FANCC: variants seen among roughly 807,000 people sequenced by gnomAD.
FANCC encodes Fanconi anemia group C protein.
In FANCC, 55 loss-of-function variants were observed where a neutral mutation model predicts 71.3. The ratio of observed to expected loss-of-function variants is 0.77; its 90% CI spans 0.62 to 0.97. The LOEUF is 0.97. Among genes scored for constraint, FANCC ranks in the 50% least tolerant of loss-of-function variants. The pLI, the probability that FANCC is intolerant of heterozygous loss-of-function variation, is 0.00. For synonymous variants in FANCC, 275 were observed against 244.9 expected, an observed-to-expected ratio of 1.12 and a Z score of -1.15; for missense variants, 678 against 670.9, an observed-to-expected ratio of 1.01 and a Z score of -0.12.
rs757294568 is a variant in FANCC, at chr9:95,135,429, T to C, written c.760A>G (p.Met254Val). 3.1e-6 allele frequency: 5 copies of C among 1,613,972 alleles called. No homozygotes were observed. Among genetic ancestry groups the C allele is most frequent in the East Asian group, 4.5e-5 (2 of 44,880 alleles). The change falls in exon 8 of 15, where the codon ATG becomes GTG. Residue 254 changes from methionine to valine, a missense_variant. By Grantham distance (21) the Met-to-Val change is conservative (BLOSUM62 1). Transcript: ENST00000289081. ...ATTAGCTTTTCAAAAAGATGCAGCA[T>C]TGCTTTTTCAAGGCTGGGAAGGTGC... ...LRHLPSLEKAMLHLFEKLISS... is the reference protein window; with the variant it reads ...LRHLPSLEKAVLHLFEKLISS...
intron 1 of FANCC, among the ~76,000 whole-genome samples, chr9:95,286,851 G>T (rs772069792): frequency 3.9e-5 from 6 of 152,100 alleles, no homozygotes; most frequent in Non-Finnish European, 8.8e-5. Flanking sequence ...TTTTTAAAAG[G>T]TAATATGAAC....
chr9:95,304,988 A>G (rs565093761), intron 1 of FANCC, among the ~76,000 whole-genome samples: 71 of 152,274 alleles, frequency 4.7e-4, no homozygotes, highest in Admixed American at 9.2e-4. Context: ...TTCAAAAGCA[A>G]GTTTAAACAA....
intron 14 of FANCC, among the ~76,000 whole-genome samples, chr9:95,103,139 G>A (rs567755904): frequency 1.3e-5 from 2 of 152,172 alleles, no homozygotes; most frequent in East Asian, 3.9e-4. Context: ...CCCTGAGCGG[G>A]AGGACTGTCC....
chr9:95,272,029 C>CTCCT (rs1832765199), intron 1 of FANCC, among the ~76,000 whole-genome samples: 1 of 147,272 alleles, frequency 6.8e-6, no homozygotes, highest in African/African-American at 2.5e-5. Flanking sequence ...CTCAACCTCC[C>CTCCT]GGGTTCACGC....
Position 95,100,843 on chromosome 9 carries a change from C to T in FANCC, c.*864G>A, listed in dbSNP as rs2071048837. On this transcript the variant is annotated 3_prime_UTR_variant, in exon 15 of 15. Coordinates refer to ENST00000289081, the MANE Select transcript of FANCC (RefSeq NM_000136.3). ...ATAGGGTATTGCCATGTTAGCCAGG[C>T]AGTCTGGAACTCCTGGGCTGAAGTA... 1 of 229,640 alleles carries T rather than the reference C, an allele frequency of 4.4e-6. No homozygotes were observed. Among genetic ancestry groups the T allele is most frequent in the Non-Finnish European group, 8.6e-6 (1 of 115,898 alleles). The allele number at this position is 229,640 out of a possible 1,614,324, so 14.2% of individuals were successfully genotyped here.
chr9:95,224,516 A>C (rs964971371), intron 4 of FANCC, among the ~76,000 whole-genome samples: 25 of 151,990 alleles, frequency 1.6e-4, no homozygotes, highest in Admixed American at 1.4e-3. Flanking sequence ...AAAAAAAAAA[A>C]CAGAAAATTT....
At chr9:95,270,990 C>T (rs1777344646) in intron 1 of FANCC, among the ~76,000 whole-genome samples, 4 of 152,154 alleles carry the variant, frequency 2.6e-5, no homozygotes, top group Admixed American at 2.6e-4. Context: ...GGAAACTTCC[C>T]AGTCAGCATA....
intron 10 of FANCC, among the ~76,000 whole-genome samples, chr9:95,122,563 A>G (rs1291910952): frequency 1.3e-5 from 2 of 152,190 alleles, no homozygotes; most frequent in Non-Finnish European, 2.9e-5. Context: ...GCCTCACACC[A>G]GGACCCAGTG....
intron 6 of FANCC, among the ~76,000 whole-genome samples, chr9:95,164,787 T>C (rs776224963): frequency 6.6e-6 from 1 of 152,158 alleles, no homozygotes; most frequent in South Asian, 2.1e-4. Context: ...GTCAGGGTAA[T>C]GCTTGCTCAC....
At chr9:95,123,763 C>T (rs1441495939) in intron 10 of FANCC, 2 of 698,960 alleles carry the variant, frequency 2.9e-6, no homozygotes, top group Non-Finnish European at 5.3e-6. Flanking sequence ...CAATTCACAG[C>T]AAAGTAGTCA....
At chr9:95,248,763 C>A (rs1034113116) in intron 2 of FANCC, among the ~76,000 whole-genome samples, 1 of 151,840 alleles carries the variant, frequency 6.6e-6, no homozygotes, top group Non-Finnish European at 1.5e-5. Context: ...CTTAGGACAG[C>A]CCACTTGACA....
intron 4 of FANCC, among the ~76,000 whole-genome samples, chr9:95,227,122 C>T (rs534560272): frequency 6.6e-6 from 1 of 152,282 alleles, no homozygotes; most frequent in Admixed American, 6.5e-5. Context: ...CCTGAGAGCC[C>T]GACCTATGAC....
rs536925626 is a variant in FANCC, at chr9:95,187,256, G to A, written c.346-15109C>T. 2.9e-3 allele frequency among the ~76,000 whole-genome samples: 435 copies of A among 152,260 alleles called. 3 individuals are homozygous for A. The highest frequency in any genetic ancestry group is 9.0e-3 in the Admixed American group (137 of 15,302). ...CTGCTGTATCTGAAGTCGCAGTTCG[G>A]ATGAGCATGGAGTATAATCTGAGAG... On this transcript the variant is annotated intron_variant, in intron 4 of 14. Transcript: ENST00000289081.
intron 10 of FANCC, among the ~76,000 whole-genome samples, chr9:95,124,103 CAAAAAAAAAAA>C (rs139226812): frequency 2.3e-5 from 1 of 43,542 alleles, no homozygotes; most frequent in Admixed American, 3.2e-4. Context: ...AACCTTGTCT[CAAAAAAAAAAA>C]AAAAAAAAAA....
intron 13 of FANCC, chr9:95,107,627 A>G (rs1227248640): frequency 2.5e-6 from 1 of 404,416 alleles, no homozygotes; most frequent in Non-Finnish European, 4.6e-6. Flanking sequence ...CACAGCCACA[A>G]ATCAATTAAA....
intron 1 of FANCC, among the ~76,000 whole-genome samples, chr9:95,282,063 T>A (rs1381467163): frequency 6.6e-6 from 1 of 151,538 alleles, no homozygotes; most frequent in Non-Finnish European, 1.5e-5. Context: ...AATAATTACT[T>A]TGAATGTAAA....
intron 4 of FANCC, among the ~76,000 whole-genome samples, chr9:95,238,798 G>A (rs1044184209): frequency 2.6e-5 from 4 of 152,046 alleles, no homozygotes; most frequent in Non-Finnish European, 1.5e-5. Flanking sequence ...ATCTCCTGAC[G>A]TCATGATCTG....
intron 6 of FANCC, among the ~76,000 whole-genome samples, chr9:95,159,344 C>T (rs1280813791): frequency 2.6e-5 from 4 of 152,178 alleles, no homozygotes; most frequent in African/African-American, 9.7e-5. Context: ...CATCCATGTC[C>T]ATGCAAAGGA....
At chr9:95,193,411 T>C (rs1404776095) in intron 4 of FANCC, among the ~76,000 whole-genome samples, 1 of 152,172 alleles carries the variant, frequency 6.6e-6, no homozygotes, top group Non-Finnish European at 1.5e-5. Flanking sequence ...CCTCCAATCA[T>C]GTCGCATCCT....
Sources: gnomAD v4.1 joint callset for allele counts (sites outside exome capture counted in the v4.1 genomes callset) on GRCh38, gnomAD v4.1.1 for gene constraint, MANE v1.5 for transcripts, NCBI Gene and HGNC (gene_info 2026-07-23, HGNC 2026-07-21) for gene names.